The following SLC1A2 variants were observed in gnomAD, a reference collection of about 807,000 sequenced individuals.
The protein encoded by SLC1A2 is excitatory amino acid transporter 2.
SLC1A2 carries 15 observed loss-of-function variants against 48.8 expected under a neutral mutation model. That is an observed-to-expected ratio of 0.31 (90% CI 0.21 to 0.47). SLC1A2 has a LOEUF of 0.47. SLC1A2 is among the 20% of genes least tolerant of loss of function. The pLI is 0.99. For missense variants in SLC1A2, 502 were observed against 730.5 expected, an observed-to-expected ratio of 0.69 and a Z score of 3.61; for synonymous variants, 279 against 272.6, an observed-to-expected ratio of 1.02 and a Z score of -0.23.
At chr11:35,290,034 C>G (rs1271977580) in intron 7 of SLC1A2, among the ~76,000 whole-genome samples, 1 of 152,110 alleles carries the variant, frequency 6.6e-6, no homozygotes, top group Non-Finnish European at 1.5e-5. Context: ...ACTTTTCACC[C>G]AATAGGACTG....
chr11:35,361,801 A>G (rs1853689462), intron 1 of SLC1A2, among the ~76,000 whole-genome samples: 1 of 152,070 alleles, frequency 6.6e-6, no homozygotes, highest in African/African-American at 2.4e-5. Context: ...ACATGGCAAA[A>G]CCAAGTCTTC....
At position 35,333,827 on chromosome 11, in the gene SLC1A2, ATTTTTTTTT is replaced by A. The variant is rs373988431; in HGVS notation, c.18-16320_18-16312del. ...CAGGCATGCACCACCATGCCAGCTA[ATTTTTTTTT>A]TTTTTTTTTTTTTTGTATTTTTAGT... On this transcript the variant is annotated intron_variant, in intron 1 of 10. Transcript: ENST00000278379. 6.3e-3 allele frequency among the ~76,000 whole-genome samples: 792 copies of A among 126,188 alleles called. 6 individuals carry two copies. The highest frequency in any genetic ancestry group is 0.017 in the African/African-American group (557 of 33,204). The allele number at this position is 126,188 out of a possible 152,430, so 82.8% of individuals were successfully genotyped here.
At position 35,388,737 on chromosome 11, in the gene SLC1A2, T is replaced by C. The variant is rs182573614; in HGVS notation, c.17+30213A>G. ...AAAGATAACACCCTACCCCAGATTGTGAGCATGTAGAGCCTATGCCTCCTT... is the reference window on the plus strand; with the variant it reads ...AAAGATAACACCCTACCCCAGATTGCGAGCATGTAGAGCCTATGCCTCCTT... On this transcript the variant is annotated intron_variant, in intron 1 of 10. Coordinates refer to ENST00000278379, the MANE Select transcript of SLC1A2 (RefSeq NM_004171.4). 3.4e-3 allele frequency among the ~76,000 whole-genome samples: 514 copies of C among 152,294 alleles called. 3 individuals are homozygous for C. The highest frequency in any genetic ancestry group is 0.016 in the South Asian group (75 of 4,822).
intron 6 of SLC1A2, among the ~76,000 whole-genome samples, chr11:35,294,160 C>T (rs1851097883): frequency 6.6e-6 from 1 of 152,188 alleles, no homozygotes; most frequent in South Asian, 2.1e-4. Flanking sequence ...TAGAACATCT[C>T]ATGGGATACC....
chr11:35,287,006 A>G (rs1850843335), intron 7 of SLC1A2, 55 bp from the exon 8 acceptor site: 2 of 1,393,550 alleles, frequency 1.4e-6, no homozygotes, highest in Non-Finnish European at 1.0e-6. Context: ...GAGAAGCAGG[A>G]CAATGCATAA....
intron 9 of SLC1A2, among the ~76,000 whole-genome samples, chr11:35,266,448 C>A (rs1950486487): frequency 6.6e-6 from 1 of 152,138 alleles, no homozygotes; most frequent in Non-Finnish European, 1.5e-5. Flanking sequence ...AAAAATAAAT[C>A]TTCCAGAATG....
chr11:35,287,096 A>G, intron 7 of SLC1A2, 145 bp from the exon 8 acceptor site: 6 of 671,506 alleles, frequency 8.9e-6, no homozygotes, highest in South Asian at 7.6e-5. Flanking sequence ...CAGTATCTGG[A>G]GCCAGATTAA....
At chr11:35,277,444 G>A (rs556037453) in intron 9 of SLC1A2, among the ~76,000 whole-genome samples, 49 of 152,324 alleles carry the variant, frequency 3.2e-4, no homozygotes, top group African/African-American at 1.1e-3. Flanking sequence ...GGAGACAGAT[G>A]TAAAGACATT....
intron 1 of SLC1A2, among the ~76,000 whole-genome samples, chr11:35,341,167 G>A (rs1039965724): frequency 5.3e-5 from 8 of 152,126 alleles, no homozygotes; most frequent in Admixed American, 1.3e-4. Flanking sequence ...GTTCAGGTTC[G>A]CCCCGAAGTG....
chr11:35,417,505 C>T (rs1256193730), intron 1 of SLC1A2, among the ~76,000 whole-genome samples: 1 of 152,170 alleles, frequency 6.6e-6, no homozygotes, highest in Non-Finnish European at 1.5e-5. Flanking sequence ...ATATAAAAGC[C>T]TTTTTAACTA....
In SLC1A2 at chr11:35,285,795, T is replaced by G. The variant is rs76487800; in HGVS notation, c.1286+962A>C. 4 of 152,334 alleles carry G rather than the reference T, an allele frequency of 2.6e-5. No homozygotes were observed. The East Asian group carries it at 7.7e-4, about 29-fold the overall frequency. 9.4% of individuals were successfully genotyped at this position (152,334 alleles called of 1,614,324 possible). On this transcript the variant is annotated intron_variant, in intron 8 of 10. Coordinates refer to ENST00000278379, the MANE Select transcript of SLC1A2 (RefSeq NM_004171.4). ...AGGCAAACAAAGCAACACTCTGGGC[T>G]GGGAGTCCATCCATGAACTACCAAC...
chr11:35,347,950 A>T (rs1853100174), intron 1 of SLC1A2, among the ~76,000 whole-genome samples: 1 of 152,248 alleles, frequency 6.6e-6, no homozygotes, highest in East Asian at 1.9e-4. Context: ...AGCTTCAGGA[A>T]TTCAGAAGTG....
At chr11:35,381,399 G>C (rs1854418217) in intron 1 of SLC1A2, among the ~76,000 whole-genome samples, 1 of 152,132 alleles carries the variant, frequency 6.6e-6, no homozygotes, top group South Asian at 2.1e-4. Context: ...TGCCTGAAAG[G>C]ACAACAACCC....
intron 9 of SLC1A2, among the ~76,000 whole-genome samples, chr11:35,268,077 A>G (rs1380415777): frequency 6.6e-6 from 1 of 152,234 alleles, no homozygotes; most frequent in Non-Finnish European, 1.5e-5. Flanking sequence ...AGTACAGGCT[A>G]CAGACTGTTT....
intron 1 of SLC1A2, chr11:35,404,324 C>T (rs544725016): frequency 6.6e-6 from 1 of 152,446 alleles, no homozygotes; most frequent in South Asian, 2.1e-4. Context: ...CATACCCAAG[C>T]TCCGGAACCA....
At chr11:35,376,880 C>T (rs536002092) in intron 1 of SLC1A2, among the ~76,000 whole-genome samples, 1 of 152,322 alleles carries the variant, frequency 6.6e-6, no homozygotes, top group East Asian at 1.9e-4. Context: ...ATTTCCTCAA[C>T]CCCTGCACAT....
At chr11:35,408,573 G>C (rs1478370558) in intron 1 of SLC1A2, among the ~76,000 whole-genome samples, 1 of 152,228 alleles carries the variant, frequency 6.6e-6, no homozygotes, top group Non-Finnish European at 1.5e-5. Context: ...ATGTGGAACT[G>C]TAAGTCCAAT....
In SLC1A2 at chr11:35,303,634, G is replaced by A. The variant is rs114110130; in HGVS notation, c.731-1989C>T. 1.9e-3 allele frequency among the ~76,000 whole-genome samples: 285 copies of A among 152,246 alleles called. 1 individual carries two copies. The highest frequency in any genetic ancestry group is 6.5e-3 in the African/African-American group (269 of 41,532). ...CATTTGAAATTAAGAGAAAATGCCC[G>A]AGGTATCAAGGTCCCAAAGAACTGG... On this transcript the variant is annotated intron_variant, in intron 5 of 10. Coordinates refer to ENST00000278379, the MANE Select transcript of SLC1A2 (RefSeq NM_004171.4).
At chr11:35,275,958 A>G (rs1850427324) in intron 9 of SLC1A2, among the ~76,000 whole-genome samples, 1 of 152,206 alleles carries the variant, frequency 6.6e-6, no homozygotes, top group African/African-American at 2.4e-5. Context: ...GGTGAGAAAG[A>G]ATGTGCCACC....
Sources: gnomAD v4.1 joint callset for allele counts (sites outside exome capture counted in the v4.1 genomes callset) on GRCh38, gnomAD v4.1.1 for gene constraint, MANE v1.5 for transcripts, NCBI Gene and HGNC (gene_info 2026-07-23, HGNC 2026-07-21) for gene names.